Variants in MIB2 observed in about 807,000 individuals in gnomAD.
The protein encoded by MIB2 is MIB E3 ubiquitin protein ligase 2.
A neutral mutation model predicts 96.6 loss-of-function variants in MIB2; 78 were observed. The ratio of observed to expected loss-of-function variants is 0.81; its 90% confidence interval spans 0.67 to 0.97. MIB2 has a LOEUF of 0.97. MIB2 is among the 50% of genes least tolerant of loss of function. The probability of loss-of-function intolerance (pLI) is 0.00; values close to 1 mark genes in which losing one functional copy is unlikely to be tolerated. For missense variants in MIB2, 1,543 were observed against 1,424.0 expected (o/e 1.08, Z -1.35); for synonymous variants, 820 against 629.5 (o/e 1.30, Z -4.53).
chr1:1,615,586 G>T lies in MIB2; in HGVS notation c.-177G>T. 6.4e-7 allele frequency: 1 copy of T among 1,554,048 alleles called. No homozygotes were observed. The stretch of plus-strand genomic sequence containing the variant: ...CCTGGGAGCCCGAAGCCGTCCCCGA[G>T]TCGCTCCTAGGTCACTGGCGCGATG... On this transcript the variant is annotated 5_prime_UTR_variant, in exon 1 of 20. Transcript: ENST00000355826.
Position 1,628,039 on chromosome 1 carries a change from C to T in MIB2, c.1701C>T (p.Pro567=). Residue 567 remains proline (P), a synonymous_variant, in exon 14 of 20, where the codon CCC becomes CCT. Coordinates refer to ENST00000355826, the MANE Select transcript of MIB2 (RefSeq NM_001170687.4). ...AGCAGGACGCCCACTCGGACACGCC[C>T]CTGCACTCCGCCATCTCGGCGGGCA... ...VNLPDAHSDT[P]LHSAISAGTG... 5 of 1,613,086 alleles carry T rather than the reference C, an allele frequency of 3.1e-6. No homozygotes were observed. In the South Asian group the frequency reaches 5.5e-5, roughly 18 times the overall value.
chr1:1,624,056 C>A (rs1644511774), intron 4 of MIB2, 111 bp downstream of exon 4: 3 of 1,292,584 alleles, frequency 2.3e-6, no homozygotes, highest in Non-Finnish European at 3.2e-6. Context: ...GAAGACGGAG[C>A]AAGTCTCTCC....
chr1:1,626,515 C>T lies in MIB2; in HGVS notation c.973-135C>T. 1.4e-6 allele frequency: 1 copy of T among 721,394 alleles called. No individual in the cohort carries two copies. Among genetic ancestry groups the T allele is most frequent in the Non-Finnish European group, 2.2e-6 (1 of 448,566 alleles). 44.7% of individuals were successfully genotyped at this position (721,394 alleles called of 1,614,324 possible). A position where few individuals can be genotyped will look rare whatever the true frequency, so the allele number is the denominator to read the frequency against. On this transcript the variant is annotated intron_variant, in intron 8 of 19. Coordinates refer to ENST00000355826, the MANE Select transcript of MIB2 (RefSeq NM_001170687.4). The surrounding 1 kb of genome is among the most constrained non-coding windows in gnomAD (Gnocchi z 5.3). ...GTCCAGCCAGAGCCTCTGGCAGTGC[C>T]TGGGGTCGGGGTCGGGGCCGGGGCC...
chr1:1,627,464 C>T lies in MIB2; in HGVS notation c.1523+20C>T, dbSNP rs563368292. The T allele has an allele frequency of 2.5e-5, 40 of 1,590,154 alleles. No individual in the cohort carries two copies. The highest frequency in any genetic ancestry group is 1.1e-4 in the African/African-American group (8 of 73,618). On this transcript the variant is annotated intron_variant, in intron 12 of 19. Transcript: ENST00000355826. The stretch of plus-strand genomic sequence containing the variant: ...CCTGGGGTGAGGCCTGGGAGGGGCC[C>T]GGCCGGCGGGGCTGAGCCTGTGCGT...
At position 1,623,883 on chromosome 1, in the gene MIB2, C is replaced by T. The variant is rs773868434; in HGVS notation, c.357C>T (p.Tyr119=). The change falls in exon 4 of 20, where the codon TAC becomes TAT. Residue 119 remains tyrosine, a synonymous_variant. Coordinates refer to ENST00000355826, the MANE Select transcript of MIB2 (RefSeq NM_001170687.4). ...ACTACGACCTCTGCACGCAGTGCTA[C>T]ATGCACAACAAGCATGAGCTCGCCC... ...CLDYDLCTQC[Y]MHNKHELAHA... 9 of 1,612,026 alleles carry T rather than the reference C, an allele frequency of 5.6e-6. No homozygotes were observed. Among genetic ancestry groups the T allele is most frequent in the Non-Finnish European group, 7.6e-6 (9 of 1,179,584 alleles).
At chr1:1,621,077 C>T (rs1463947786) in intron 2 of MIB2, among the ~76,000 whole-genome samples, 1 of 152,250 alleles carries the variant, frequency 6.6e-6, no homozygotes, top group African/African-American at 2.4e-5. Context: ...CACAGATTCT[C>T]TCTGGTTCTT....
chr1:1,627,645 C>T (rs749770103), intron 12 of MIB2, 28 bp from the exon 13 acceptor site: 2 of 1,581,040 alleles, frequency 1.3e-6, no homozygotes, highest in Non-Finnish European at 8.5e-7. Context: ...GCCCGGCGCC[C>T]TCCCTCTCCC....
intron 1 of MIB2, chr1:1,615,932 G>A: frequency 1.0e-6 from 1 of 991,368 alleles, no homozygotes; most frequent in Non-Finnish European, 1.2e-6. Flanking sequence ...GGCCGGGTGG[G>A]CTGCGGCGCG....
chr1:1,627,179 T>C lies in MIB2; in HGVS notation c.1346T>C (p.Leu449Pro), dbSNP rs951817188. 2.5e-6 allele frequency: 4 copies of C among 1,594,446 alleles called. No homozygotes were observed. In the African/African-American group the frequency reaches 5.4e-5, roughly 21 times the overall value. Residue 449 changes from leucine to proline, a missense_variant, in exon 11 of 20, where the codon CTG (leucine) becomes CCG (proline). Coordinates refer to ENST00000355826, the MANE Select transcript of MIB2 (RefSeq NM_001170687.4). The stretch of plus-strand genomic sequence containing the variant: ...GCGCTGGGTAACGCAGCCCGGGCTC[T>C]GGACCTGCTGCGGAGGCGCCCAGAG... ...EVALGNAARA[L>P]DLLRRRPEQV... is the part of the protein sequence containing the mutation.
chr1:1,616,418 G>A (rs1208716230), intron 1 of MIB2, 90 bp from the exon 2 acceptor site: 59 of 948,460 alleles, frequency 6.2e-5, no homozygotes, highest in Non-Finnish European at 8.8e-5. Context: ...AGTGGACCTG[G>A]AGCCGGCGGG....
At chr1:1,624,438 C>T (rs1233210180) in intron 4 of MIB2, among the ~76,000 whole-genome samples, 1 of 152,216 alleles carries the variant, frequency 6.6e-6, no homozygotes, top group Admixed American at 6.5e-5. Context: ...GCTGAGCCCA[C>T]CTCTGGGCCT....
Position 1,628,654 on chromosome 1 carries a change from C to G in MIB2, c.2134C>G (p.His712Asp), listed in dbSNP as rs1331985235. 1 of 1,590,854 alleles carries G rather than the reference C, an allele frequency of 6.3e-7. No individual in the cohort carries two copies. The highest frequency in any genetic ancestry group is 8.5e-7 in the Non-Finnish European group (1 of 1,171,876). ...DTALHVALQR[H>D]QLLPLVADGA... ...AGCCCTGCACGTGGCGCTGCAGCGTCATCAGCTGCTGCCCCTGGTGGCTGA... is the reference window on the plus strand; with the variant it reads ...AGCCCTGCACGTGGCGCTGCAGCGTGATCAGCTGCTGCCCCTGGTGGCTGA... The change falls in exon 16 of 20, where the codon CAT (histidine) becomes GAT (aspartate). Residue 712 changes from histidine (H) to aspartate (D), a missense_variant. Transcript: ENST00000355826.
chr1:1,623,846 G>A lies in MIB2; in HGVS notation c.320G>A (p.Arg107His), dbSNP rs553033036. ...HGLRGMRWKCRVCLDYDLCTQ... is the reference protein window; with the variant it reads ...HGLRGMRWKCHVCLDYDLCTQ... ...CTGCGGGGGATGCGCTGGAAGTGCC[G>A]TGTGTGCCTGGACTACGACCTCTGC... is the stretch of plus-strand genomic sequence containing the variant. The change falls in exon 4 of 20, where the codon CGT becomes CAT. Residue 107 changes from arginine (R) to histidine (H), a missense_variant. By Grantham distance (29) the Arg-to-His change is conservative (BLOSUM62 0). Transcript: ENST00000355826. 64 of 1,611,268 alleles carry A rather than the reference G, an allele frequency of 4.0e-5. No homozygotes were observed. Among genetic ancestry groups the A allele is most frequent in the Non-Finnish European group, 4.8e-5 (57 of 1,179,276 alleles).
intron 2 of MIB2, chr1:1,618,634 C>G (rs979595865): frequency 1.3e-5 from 2 of 152,234 alleles, no homozygotes; most frequent in African/African-American, 4.8e-5. Flanking sequence ...TCCCATGGCC[C>G]CAGGAGGACA....
chr1:1,629,003 C>T (rs911859454), intron 16 of MIB2, 130 bp from the exon 17 acceptor site: 20 of 1,060,334 alleles, frequency 1.9e-5, no homozygotes, highest in Non-Finnish European at 2.6e-5. Flanking sequence ...CACTTGGGTT[C>T]CGGAAGAGGT....
chr1:1,623,533 C>CGGCGGCGAG lies in MIB2; in HGVS notation c.89_97dup (p.Glu30_Gly32dup), dbSNP rs1557578883. 2.6e-6 allele frequency: 4 copies of CGGCGGCGAG among 1,544,170 alleles called. No individual in the cohort carries two copies. The highest frequency in any genetic ancestry group is 8.7e-7 in the Non-Finnish European group (1 of 1,148,094). ...TGGACTGGAAGTGGGGCCAGCAGGA[C>CGGCGGCGAG]GGCGGCGAGGGCGGCGTGGGCACGG... On this transcript the variant is annotated inframe_insertion, in exon 3 of 20. Transcript: ENST00000355826.
At chr1:1,616,236 C>T in intron 1 of MIB2, 1 of 505,570 alleles carries the variant, frequency 2.0e-6, no homozygotes, top group Non-Finnish European at 2.6e-6. Context: ...CCGCCCGTTC[C>T]CCTGCGCCGG....
At position 1,626,969 on chromosome 1, in the gene MIB2, G is replaced by GACC. The variant is rs1033649842; in HGVS notation, c.1212_1213insCAC (p.Asp404_Val405insHis). On this transcript the variant is annotated inframe_insertion, in exon 10 of 20. Transcript: ENST00000355826. The surrounding 1 kb of genome is among the most constrained non-coding windows in gnomAD (Gnocchi z 5.3). ...CCGGCCCGAGGAGGATGCCAACCTGGACGTGGCCGAGCGCGCCCGGGAGAA... is the reference window on the plus strand; with the variant it reads ...CCGGCCCGAGGAGGATGCCAACCTGGACCACGTGGCCGAGCGCGCCCGGGAGAA... 3.1e-6 allele frequency: 5 copies of GACC among 1,611,556 alleles called. No homozygotes were observed. In the African/African-American group the frequency reaches 6.7e-5, roughly 22 times the overall value.
chr1:1,627,400 G>C lies in MIB2; in HGVS notation c.1479G>C (p.Leu493=). The change falls in exon 12 of 20, where the codon CTG becomes CTC. Residue 493 remains leucine (L), a synonymous_variant. Transcript: ENST00000355826. ...LLLQARAGVD[L]PDDEGNTALH... ...TACAAGCCAGGGCGGGCGTGGACCT[G>C]CCGGACGACGAGGGCAACACGGCAC... is the stretch of plus-strand genomic sequence containing the variant. 1 of 1,612,968 alleles carries C rather than the reference G, an allele frequency of 6.2e-7. No homozygotes were observed. The highest frequency in any genetic ancestry group is 8.5e-7 in the Non-Finnish European group (1 of 1,179,932).
Sources: allele counts gnomAD v4.1 joint callset (sites outside exome capture counted in the v4.1 genomes callset), GRCh38; gene constraint gnomAD v4.1.1; non-coding constraint Gnocchi (gnomAD v3.1); transcripts MANE v1.5; gene names NCBI Gene and HGNC (gene_info 2026-07-23, HGNC 2026-07-21).